The following RS1 variants were observed in gnomAD, a reference collection of about 807,000 sequenced individuals.
RS1 encodes the protein retinoschisin 1.
RS1 carries 2 observed loss-of-function variants against 20.8 expected under a neutral mutation model. That is an observed-to-expected ratio of 0.10 (90% CI 0.04 to 0.30). The LOEUF (loss-of-function observed/expected upper bound fraction) is 0.30. RS1 is among the 10% of genes least tolerant of loss of function. The pLI is 1.00. For synonymous variants in RS1, 70 were observed against 75.8 expected (o/e 0.92, Z 0.40); for missense variants, 151 against 189.8 (o/e 0.80, Z 1.20).
chrX:18,664,052 C>T (rs1928363142), intron 1 of RS1, among the ~76,000 whole-genome samples: 2 of 111,752 alleles, frequency 1.8e-5, no homozygotes, highest in South Asian at 3.7e-4. Flanking sequence ...CAATTCCACT[C>T]CTAAGTAGCT....
chrX:18,643,183 T>C, intron 5 of RS1, among the ~76,000 whole-genome samples: 1 of 111,671 alleles, frequency 9.0e-6, no homozygotes, highest in African/African-American at 3.2e-5. Flanking sequence ...TTGACGCCAT[T>C]TCCAAAGAAA....
chrX:18,654,266 C>A (rs765442255), intron 3 of RS1, among the ~76,000 whole-genome samples: 1 of 108,526 alleles, frequency 9.2e-6, no homozygotes, highest in Admixed American at 9.9e-5. Flanking sequence ...GCGATCTTCC[C>A]ACCTTGGCCT....
intron 3 of RS1, among the ~76,000 whole-genome samples, chrX:18,649,412 C>A (rs1298776524): frequency 9.0e-6 from 1 of 111,411 alleles, no homozygotes; most frequent in Non-Finnish European, 1.9e-5. Flanking sequence ...ATAGTATTTT[C>A]TCCAGAATTT....
At chrX:18,669,487 C>CAAAAAAAAAA (rs386416704) in intron 1 of RS1, among the ~76,000 whole-genome samples, 4 of 58,898 alleles carry the variant, frequency 6.8e-5, no homozygotes, top group Non-Finnish European at 5.7e-5. Flanking sequence ...GTGAAATTCT[C>CAAAAAAAAAA]AAAAAAAAAA....
chrX:18,653,326 T>G lies in RS1; in HGVS notation c.184+3327A>C, dbSNP rs1402545302. ...TAAAGTGAAGATTAGGAGGCCAGAA[T>G]GCATGTGGCCTTCTGCTCCGTGGGG... is the stretch of plus-strand genomic sequence containing the variant. On this transcript the variant is annotated intron_variant, in intron 3 of 5. Transcript: ENST00000379984. The G allele has an allele frequency of 2.6e-6, 3 of 1,146,846 alleles. No individual in the cohort carries two copies. The African/African-American group carries it at 5.4e-5, about 21-fold the overall frequency. The allele number at this position is 1,146,846 out of a possible 1,213,427, so 94.5% of individuals were successfully genotyped here.
intron 1 of RS1, among the ~76,000 whole-genome samples, chrX:18,661,856 G>A (rs772927606): frequency 2.5e-4 from 28 of 112,509 alleles, no homozygotes; most frequent in African/African-American, 9.0e-4. Context: ...ACATCTAGCC[G>A]CTTGTGTGTC....
chrX:18,671,293 T>G (rs1928488186), intron 1 of RS1, among the ~76,000 whole-genome samples: 1 of 112,204 alleles, frequency 8.9e-6, no homozygotes, highest in South Asian at 3.7e-4. Flanking sequence ...TGAGGAGAAA[T>G]TCTGAGCAGA....
intron 1 of RS1, among the ~76,000 whole-genome samples, chrX:18,662,139 G>A (rs1226504406): frequency 8.9e-6 from 1 of 112,151 alleles, no homozygotes; most frequent in Non-Finnish European, 1.9e-5. Context: ...AAATCTGCTG[G>A]CACCTTGATC....
At chrX:18,662,488 T>G (rs1346772074) in intron 1 of RS1, among the ~76,000 whole-genome samples, 1 of 110,827 alleles carries the variant, frequency 9.0e-6, no homozygotes. Flanking sequence ...TGTGTGATGT[T>G]CCTCGCTCTG....
intron 1 of RS1, among the ~76,000 whole-genome samples, chrX:18,666,487 G>A (rs867515868): frequency 1.8e-5 from 2 of 111,633 alleles, no homozygotes; most frequent in Middle Eastern, 9.3e-3. Flanking sequence ...AGATGACGAG[G>A]TTGGGGGTGT....
In RS1 at chrX:18,640,434, A is replaced by ACCCCCCCCCC. The variant is rs753767629; in HGVS notation, c.*1560_*1569dup. ...CCTAAGGCCAGGGATAAGTCCCCCCACCCCCCCCCCCCACCCCCAACACCC... is the reference window on the plus strand; with the variant it reads ...CCTAAGGCCAGGGATAAGTCCCCCCACCCCCCCCCCCCCCCCCCCCCCACCCCCAACACCC... On this transcript the variant is annotated 3_prime_UTR_variant, in exon 6 of 6. Coordinates refer to ENST00000379984, the MANE Select transcript of RS1 (RefSeq NM_000330.4). 6.1e-5 allele frequency: 3 copies of ACCCCCCCCCC among 49,194 alleles called. No homozygotes were observed. The highest frequency in any genetic ancestry group is 7.7e-5 in the African/African-American group (1 of 12,925). The allele number at this position is 49,194 out of a possible 1,213,427, so 4.1% of individuals were successfully genotyped here.
chrX:18,644,719 A>G, intron 4 of RS1, 94 bp from the exon 5 acceptor site: 2 of 929,243 alleles, frequency 2.2e-6, no homozygotes, highest in Non-Finnish European at 3.1e-6. Context: ...GCCAGCATCC[A>G]AAGAGCCCCC....
intron 3 of RS1, chrX:18,650,721 G>A: frequency 2.6e-6 from 2 of 780,562 alleles, no homozygotes; most frequent in Non-Finnish European, 3.8e-6. Flanking sequence ...TGGGCATGGG[G>A]ACAAAGCTGC....
Position 18,647,299 on chromosome X carries a change from G to C in RS1, c.218C>G (p.Ser73Ter), listed in dbSNP as rs1927823203. Residue 73 changes from serine to a stop codon, truncating the protein, a stop_gained, in exon 4 of 6, where the codon TCA (serine) becomes TGA (stop). Transcript: ENST00000379984. LOFTEE classifies it high-confidence loss of function. The part of the protein sequence containing the change: ...CPYHKPLGFE[S>*]GEVTPDQITC... Reference sequence around the variant, plus strand: ...GATCTGGTCCGGTGTGACCTCCCCTGACTCGAAACCCAGAGGCTTGTGATA... The same window carrying C: ...GATCTGGTCCGGTGTGACCTCCCCTCACTCGAAACCCAGAGGCTTGTGATA... 8.3e-7 allele frequency: 1 copy of C among 1,211,035 alleles called. No individual in the cohort carries two copies. Among genetic ancestry groups the C allele is most frequent in the Non-Finnish European group, 1.1e-6 (1 of 895,208 alleles).
intron 3 of RS1, among the ~76,000 whole-genome samples, chrX:18,649,041 CAA>C (rs746581850): frequency 1.6e-4 from 8 of 50,799 alleles, no homozygotes; most frequent in Admixed American, 2.5e-4. Flanking sequence ...GACACTGTCT[CAA>C]AAAAAAAAAA....
chrX:18,658,292 C>A (rs1199806877), intron 1 of RS1, among the ~76,000 whole-genome samples: 1 of 111,963 alleles, frequency 8.9e-6, no homozygotes, highest in Admixed American at 9.5e-5. Context: ...ACCACCAAAG[C>A]CAACACTGTT....
intron 1 of RS1, 68 bp downstream of exon 1, chrX:18,671,949 T>A: frequency 1.1e-6 from 1 of 907,383 alleles, no homozygotes; most frequent in South Asian, 2.0e-5. Flanking sequence ...ATATTCCTAT[T>A]TATCAACGAT....
chrX:18,669,604 T>C (rs962673845), intron 1 of RS1, among the ~76,000 whole-genome samples: 1 of 110,773 alleles, frequency 9.0e-6, no homozygotes, highest in African/African-American at 3.3e-5. Context: ...TTCACTGTAA[T>C]GAGGAGACAC....
At chrX:18,661,755 T>C (rs1928312515) in intron 1 of RS1, among the ~76,000 whole-genome samples, 1 of 111,669 alleles carries the variant, frequency 9.0e-6, no homozygotes, top group African/African-American at 3.3e-5. Context: ...GCTGCCGGCG[T>C]CTATCGTGCG....
Sources: allele counts gnomAD v4.1 joint callset (sites outside exome capture counted in the v4.1 genomes callset), GRCh38; gene constraint gnomAD v4.1.1; transcripts MANE v1.5; gene names NCBI Gene and HGNC (gene_info 2026-07-23, HGNC 2026-07-21).